Variants in ALMS1 observed in about 807,000 individuals in gnomAD.
ALMS1 encodes the protein centrosome-associated protein ALMS1.
In ALMS1, 271 loss-of-function variants were observed where a neutral mutation model predicts 352.2. The ratio of observed to expected loss-of-function variants is 0.77; its 90% CI spans 0.70 to 0.85. The LOEUF (loss-of-function observed/expected upper bound fraction) is 0.85, where lower values mean the gene tolerates loss of function less well. Ranked by LOEUF, ALMS1 falls within the 40% of genes least tolerant of loss-of-function variation. The probability of loss-of-function intolerance (pLI) is 0.00; values close to 1 mark genes in which losing one functional copy is unlikely to be tolerated. For synonymous variants in ALMS1, 1,865 were observed against 1,761.2 expected, an observed-to-expected ratio of 1.06 and a Z score of -1.48; for missense variants, 5,445 against 4,870.7, an observed-to-expected ratio of 1.12 and a Z score of -3.51.
At chr2:73,391,560 TGG>T (rs1360491363) in intron 1 of ALMS1, among the ~76,000 whole-genome samples, 11 of 152,210 alleles carry the variant, frequency 7.2e-5, no homozygotes, top group Non-Finnish European at 1.2e-4. Flanking sequence ...CCCAAAGTGC[TGG>T]GATTACAGGC....
chr2:73,571,391 A>G (rs996932489), intron 15 of ALMS1, among the ~76,000 whole-genome samples: 7 of 152,170 alleles, frequency 4.6e-5, no homozygotes, highest in African/African-American at 1.2e-4. Context: ...CTGCAGATCT[A>G]AGATCAAGGC....
At chr2:73,599,778 T>C (rs1311062202) in intron 17 of ALMS1, among the ~76,000 whole-genome samples, 1 of 152,216 alleles carries the variant, frequency 6.6e-6, no homozygotes, top group Non-Finnish European at 1.5e-5. Context: ...AAAGTTCCTA[T>C]CAAAATTACT....
intron 10 of ALMS1, among the ~76,000 whole-genome samples, chr2:73,496,914 T>C (rs763465327): frequency 7.9e-5 from 12 of 152,210 alleles, no homozygotes; most frequent in Non-Finnish European, 1.5e-4. Flanking sequence ...TGCTTTCTTA[T>C]TGGTGAGTTT....
intron 11 of ALMS1, among the ~76,000 whole-genome samples, chr2:73,525,807 T>C (rs530626995): frequency 1.3e-5 from 2 of 152,346 alleles, no homozygotes; most frequent in South Asian, 4.1e-4. Flanking sequence ...ATTTTTGCTT[T>C]GGTTGCCTGT....
Position 73,603,291 on chromosome 2 carries a change from C to T in ALMS1, c.12349C>T (p.Gln4117Ter), listed in dbSNP as rs753521258. Reference protein sequence around the residue: ...NKPISKKEMIQRSKRIYEQLP... With the variant: ...NKPISKKEMI ...GCCTATCAGCAAGAAGGAAATGATT[C>T]AGAGGTCCAAACGGTAAGACCAAGA... is the stretch of plus-strand genomic sequence containing the variant. The change falls in exon 21 of 23, where the codon CAG becomes TAG. Residue 4117 changes from glutamine to a stop codon, truncating the protein, a stop_gained. Coordinates refer to ENST00000613296, the MANE Select transcript of ALMS1 (RefSeq NM_001378454.1). LOFTEE classifies it high-confidence loss of function. The T allele has an allele frequency of 6.2e-7, 1 of 1,614,052 alleles. No homozygotes were observed. The highest frequency in any genetic ancestry group is 2.2e-5 in the East Asian group (1 of 44,882).
At chr2:73,534,543 C>T (rs1673987036) in intron 11 of ALMS1, among the ~76,000 whole-genome samples, 1 of 152,116 alleles carries the variant, frequency 6.6e-6, no homozygotes, top group Admixed American at 6.6e-5. Context: ...CCAATTTCTC[C>T]TGTATTCTTA....
At chr2:73,557,395 C>T in intron 14 of ALMS1, 41 bp downstream of exon 14, 2 of 1,612,690 alleles carry the variant, frequency 1.2e-6, no homozygotes, top group Non-Finnish European at 1.7e-6. Context: ...TTCTTCTGGT[C>T]TTCTAAAATG....
chr2:73,506,526 G>C (rs1325379463), intron 10 of ALMS1, among the ~76,000 whole-genome samples: 1 of 152,094 alleles, frequency 6.6e-6, no homozygotes, highest in Non-Finnish European at 1.5e-5. Flanking sequence ...TGTATTCCTA[G>C]GTATTTTATT....
intron 13 of ALMS1, among the ~76,000 whole-genome samples, chr2:73,554,916 A>G (rs147620918): frequency 4.1e-4 from 62 of 152,338 alleles, no homozygotes; most frequent in Non-Finnish European, 7.6e-4. Context: ...ATGAATCTAA[A>G]AGGGTCTGTA....
chr2:73,387,839 G>A (rs1049456324), intron 1 of ALMS1, among the ~76,000 whole-genome samples: 15 of 152,266 alleles, frequency 9.9e-5, no homozygotes, highest in Non-Finnish European at 2.2e-4. Flanking sequence ...GGCAAAAGAT[G>A]ATGAAAGTTT....
chr2:73,605,332 T>C (rs2421667), intron 21 of ALMS1, among the ~76,000 whole-genome samples: 81,165 of 152,084 alleles, frequency 0.53, 24,399 homozygotes, highest in East Asian at 0.77. Context: ...ACAAATGTGA[T>C]GTTTTTCATG....
Position 73,451,208 on chromosome 2 carries a change from A to G in ALMS1, c.4681A>G (p.Thr1561Ala). 3.7e-6 allele frequency: 6 copies of G among 1,614,020 alleles called. No individual in the cohort carries two copies. Among genetic ancestry groups the G allele is most frequent in the Non-Finnish European group, 5.1e-6 (6 of 1,179,990 alleles). The change falls in exon 8 of 23, where the codon ACT becomes GCT. Residue 1561 changes from threonine (T) to alanine (A), a missense_variant. Physicochemically the swap from Thr to Ala is moderately conservative, Grantham distance 58 (BLOSUM62 0). Transcript: ENST00000613296. The part of the protein sequence containing the change: ...SSAPGPADQT[T>A]GIPTITSTSY... ...TGCTCCTGGACCAGCTGACCAGACA[A>G]CTGGCATACCAACCATAACCTCTAC...
chr2:73,568,776 CAG>C (rs1674854917), intron 15 of ALMS1, among the ~76,000 whole-genome samples: 2 of 152,094 alleles, frequency 1.3e-5, no homozygotes, highest in South Asian at 4.2e-4. Context: ...AAATGAAAAG[CAG>C]TAAATGATAT....
intron 12 of ALMS1, among the ~76,000 whole-genome samples, chr2:73,539,775 G>T (rs1674123245): frequency 6.6e-6 from 1 of 152,212 alleles, no homozygotes; most frequent in South Asian, 2.1e-4. Context: ...AAGGGTATCA[G>T]TGATGGAAGA....
At chr2:73,608,819 A>G (rs1163979860) in intron 22 of ALMS1, among the ~76,000 whole-genome samples, 1 of 152,236 alleles carries the variant, frequency 6.6e-6, no homozygotes, top group African/African-American at 2.4e-5. Flanking sequence ...AGTGAAACCA[A>G]ATTTCACACA....
chr2:73,559,779 G>A (rs537732730), intron 15 of ALMS1, among the ~76,000 whole-genome samples: 2 of 152,142 alleles, frequency 1.3e-5, no homozygotes, highest in South Asian at 4.1e-4. Flanking sequence ...ACACAATGGG[G>A]AAAGGATAGT....
chr2:73,468,805 CAAT>C (rs1672410601), intron 9 of ALMS1, among the ~76,000 whole-genome samples: 1 of 151,936 alleles, frequency 6.6e-6, no homozygotes, highest in Admixed American at 6.6e-5. Context: ...AAGTAATTAA[CAAT>C]AAGGAGGAAC....
intron 16 of ALMS1, among the ~76,000 whole-genome samples, chr2:73,593,850 C>G (rs573956367): frequency 6.6e-6 from 1 of 152,220 alleles, no homozygotes; most frequent in Admixed American, 6.5e-5. Context: ...CACAGTCTTT[C>G]GTGACTGACT....
In ALMS1 at chr2:73,423,101, G is replaced by A. The variant is rs75821812; in HGVS notation, c.764+127G>A. ...GATACTCTTAGGACACGCCCTGAAGGTAACAAAGTCCTGTACTAAGACTTG... is the reference window on the plus strand; with the variant it reads ...GATACTCTTAGGACACGCCCTGAAGATAACAAAGTCCTGTACTAAGACTTG... On this transcript the variant is annotated intron_variant, in intron 4 of 22. Coordinates refer to ENST00000613296, the MANE Select transcript of ALMS1 (RefSeq NM_001378454.1). The A allele has an allele frequency of 5.8e-3, 4,699 of 812,036 alleles. 152 individuals are homozygous for A. In the African/African-American group the frequency reaches 0.065, roughly 11 times the overall value. 50.3% of individuals were successfully genotyped at this position (812,036 alleles called of 1,614,324 possible). A position where few individuals can be genotyped will look rare whatever the true frequency, so the allele number is the denominator to read the frequency against.
Sources: allele counts gnomAD v4.1 joint callset (sites outside exome capture counted in the v4.1 genomes callset), GRCh38; gene constraint gnomAD v4.1.1; transcripts MANE v1.5; gene names NCBI Gene and HGNC (gene_info 2026-07-23, HGNC 2026-07-21).